Variants in ABCD3 observed in about 807,000 individuals in gnomAD.
The protein encoded by ABCD3 is ATP binding cassette subfamily D member 3, also known as ATP-binding cassette sub-family D member 3.
A neutral mutation model predicts 105.5 loss-of-function variants in ABCD3; 41 were observed. That is an observed-to-expected ratio of 0.39 (90% CI 0.30 to 0.50). The LOEUF (loss-of-function observed/expected upper bound fraction) is 0.50. Among genes scored for constraint, ABCD3 ranks in the 20% least tolerant of loss-of-function variants. The pLI is 0.84. For synonymous variants in ABCD3, 258 were observed against 269.0 expected, an observed-to-expected ratio of 0.96 and a Z score of 0.40; for missense variants, 622 against 806.3, an observed-to-expected ratio of 0.77 and a Z score of 2.77.
At chr1:94,422,019 A>T (rs764424417) in intron 1 of ABCD3, among the ~76,000 whole-genome samples, 29 of 152,154 alleles carry the variant, frequency 1.9e-4, no homozygotes, top group Non-Finnish European at 3.7e-4. Context: ...TTTCCCACTC[A>T]TCCAACCATA....
chr1:94,446,264 C>T (rs931403251), intron 1 of ABCD3, among the ~76,000 whole-genome samples: 4 of 152,240 alleles, frequency 2.6e-5, no homozygotes, highest in African/African-American at 9.6e-5. Flanking sequence ...TGTCCCCTGC[C>T]ACAGCTGGTA....
chr1:94,500,522 A>G (rs1195226284), intron 20 of ABCD3, among the ~76,000 whole-genome samples: 1 of 152,134 alleles, frequency 6.6e-6, no homozygotes, highest in Non-Finnish European at 1.5e-5. Flanking sequence ...ATAAAGAGTC[A>G]TTTTTTAACT....
At chr1:94,471,594 T>C (rs566253185) in intron 4 of ABCD3, among the ~76,000 whole-genome samples, 65 of 152,272 alleles carry the variant, frequency 4.3e-4, no homozygotes, top group African/African-American at 1.5e-3. Context: ...GTTGTTAACT[T>C]TCTCCTAAAT....
intron 2 of ABCD3, among the ~76,000 whole-genome samples, chr1:94,460,423 A>G (rs1450676406): frequency 3.3e-5 from 5 of 152,166 alleles, no homozygotes; most frequent in Admixed American, 1.3e-4. Context: ...ACTACATCCA[A>G]CTATAGCAAA....
At chr1:94,466,515 A>G (rs1298809407) in intron 3 of ABCD3, among the ~76,000 whole-genome samples, 1 of 152,166 alleles carries the variant, frequency 6.6e-6, no homozygotes, top group East Asian at 1.9e-4. Flanking sequence ...TTAGGAGATC[A>G]TTGTTTTACG....
chr1:94,467,214 A>G (rs1347573843), intron 3 of ABCD3, among the ~76,000 whole-genome samples: 1 of 152,042 alleles, frequency 6.6e-6, no homozygotes, highest in Admixed American at 6.6e-5. Context: ...TTTTTCCCCC[A>G]TTAAATCCTT....
chr1:94,428,537 G>C (rs1490085272), intron 1 of ABCD3, among the ~76,000 whole-genome samples: 7 of 152,104 alleles, frequency 4.6e-5, no homozygotes, highest in African/African-American at 1.7e-4. Flanking sequence ...AGTACGATAT[G>C]GTTTGGCTGT....
intron 10 of ABCD3, among the ~76,000 whole-genome samples, chr1:94,486,638 A>C (rs575702992): frequency 6.6e-6 from 1 of 152,232 alleles, no homozygotes; most frequent in Non-Finnish European, 1.5e-5. Flanking sequence ...AAAATGAAGC[A>C]GGATAAAGGG....
intron 1 of ABCD3, among the ~76,000 whole-genome samples, chr1:94,438,343 CAA>C (rs71094300): frequency 1.8e-4 from 26 of 143,896 alleles, no homozygotes; most frequent in African/African-American, 4.4e-4. Flanking sequence ...CACACACACA[CAA>C]ACTTGAAAGG....
intron 10 of ABCD3, among the ~76,000 whole-genome samples, chr1:94,487,012 G>A (rs915261701): frequency 2.6e-5 from 4 of 152,168 alleles, no homozygotes; most frequent in African/African-American, 9.7e-5. Context: ...AAGACAATGC[G>A]TGCTCATGTT....
intron 21 of ABCD3, chr1:94,514,352 A>G (rs1484741033): frequency 2.6e-5 from 4 of 152,022 alleles, no homozygotes; most frequent in East Asian, 1.9e-4. Context: ...GTCATTGCCA[A>G]ATGTCCCCCT....
chr1:94,440,627 T>C (rs554148646), intron 1 of ABCD3, among the ~76,000 whole-genome samples: 3 of 152,374 alleles, frequency 2.0e-5, no homozygotes, highest in Admixed American at 2.0e-4. Context: ...CTTTTAGTGA[T>C]GTAGGGATCT....
At chr1:94,466,967 T>C (rs566688440) in intron 3 of ABCD3, among the ~76,000 whole-genome samples, 2 of 152,310 alleles carry the variant, frequency 1.3e-5, no homozygotes, top group South Asian at 4.1e-4. Flanking sequence ...GCTTTAAATA[T>C]GTGTACTTGG....
chr1:94,446,643 G>A (rs1042304226), intron 1 of ABCD3, among the ~76,000 whole-genome samples: 4 of 152,158 alleles, frequency 2.6e-5, no homozygotes, highest in African/African-American at 9.7e-5. Flanking sequence ...ACTGATAAAT[G>A]TCCTACCTGT....
chr1:94,513,139 A>C (rs1321578772), intron 21 of ABCD3, among the ~76,000 whole-genome samples: 4 of 152,102 alleles, frequency 2.6e-5, no homozygotes, highest in Non-Finnish European at 5.9e-5. Context: ...TACTGATTTT[A>C]TCTTGTTAAT....
intron 15 of ABCD3, among the ~76,000 whole-genome samples, chr1:94,490,854 A>G (rs1001760321): frequency 6.6e-6 from 1 of 152,098 alleles, no homozygotes. Context: ...ATTGTTTTCC[A>G]TAATAGCTGT....
At chr1:94,510,117 G>A (rs1004135035) in intron 21 of ABCD3, among the ~76,000 whole-genome samples, 12 of 152,116 alleles carry the variant, frequency 7.9e-5, no homozygotes, top group Non-Finnish European at 1.8e-4. Context: ...GCTTTCTCCT[G>A]TGGGCATTTA....
chr1:94,459,637 A>G (rs1173902452), intron 2 of ABCD3, among the ~76,000 whole-genome samples: 2 of 152,208 alleles, frequency 1.3e-5, no homozygotes, highest in African/African-American at 4.8e-5. Context: ...ATACCATAAA[A>G]TTTATCCATT....
intron 1 of ABCD3, among the ~76,000 whole-genome samples, chr1:94,419,855 C>T (rs924709824): frequency 1.3e-5 from 2 of 152,098 alleles, no homozygotes; most frequent in Admixed American, 6.5e-5. Flanking sequence ...ACTCATTTTT[C>T]TTCTATTCAG....
Sources: gnomAD v4.1 joint callset for allele counts (sites outside exome capture counted in the v4.1 genomes callset) on GRCh38, gnomAD v4.1.1 for gene constraint, MANE v1.5 for transcripts, NCBI Gene and HGNC (gene_info 2026-07-23, HGNC 2026-07-21) for gene names.